CA10: variants seen among roughly 807,000 people sequenced by gnomAD.
The protein encoded by CA10 is carbonic anhydrase-related protein 10.
A neutral mutation model predicts 44.2 loss-of-function variants in CA10; 14 were observed. The ratio of observed to expected loss-of-function variants is 0.32; its 90% CI spans 0.21 to 0.50. The LOEUF (loss-of-function observed/expected upper bound fraction) is 0.50. Among genes scored for constraint, CA10 ranks in the 20% least tolerant of loss-of-function variants. The pLI, the probability that CA10 is intolerant of heterozygous loss-of-function variation, is 0.99. For missense variants in CA10, 350 were observed against 409.7 expected, an observed-to-expected ratio of 0.85 and a Z score of 1.26; for synonymous variants, 159 against 141.6, an observed-to-expected ratio of 1.12 and a Z score of -0.87.
At chr17:51,636,775 T>TTGTGTGTGTGTGTGTGTGTG (rs57428535) in intron 6 of CA10, among the ~76,000 whole-genome samples, 13 of 146,512 alleles carry the variant, frequency 8.9e-5, no homozygotes, top group Non-Finnish European at 1.5e-4. Context: ...ACTGATTATT[T>TTGTGTGTGTGTGTGTGTGTG]TGTGTGTGTG....
intron 4 of CA10, among the ~76,000 whole-genome samples, chr17:51,712,015 A>G (rs1915957975): frequency 6.6e-6 from 1 of 152,210 alleles, no homozygotes; most frequent in African/African-American, 2.4e-5. Context: ...CTTCTGCCTC[A>G]TAGAGATTGT....
intron 5 of CA10, among the ~76,000 whole-genome samples, chr17:51,649,778 G>C (rs866310969): frequency 4.0e-5 from 6 of 151,810 alleles, no homozygotes; most frequent in Middle Eastern, 6.8e-3. Flanking sequence ...ATCATGTCAG[G>C]CTTTTAAGCA....
At chr17:51,825,447 C>T (rs539119462) in intron 3 of CA10, among the ~76,000 whole-genome samples, 12 of 152,082 alleles carry the variant, frequency 7.9e-5, no homozygotes, top group Non-Finnish European at 1.6e-4. Context: ...GGGGTGTGAA[C>T]CTTGTCTGTT....
intron 2 of CA10, among the ~76,000 whole-genome samples, chr17:51,937,035 G>A (rs1343285317): frequency 6.6e-6 from 1 of 152,092 alleles, no homozygotes; most frequent in Non-Finnish European, 1.5e-5. Context: ...TTTTCATGAA[G>A]ACACTCAGCT....
At chr17:51,727,514 T>C (rs1916564937) in intron 4 of CA10, among the ~76,000 whole-genome samples, 1 of 152,072 alleles carries the variant, frequency 6.6e-6, no homozygotes, top group Non-Finnish European at 1.5e-5. Flanking sequence ...CTTGATCACA[T>C]ACAGTGGCTC....
chr17:51,904,474 A>G lies in CA10; in HGVS notation c.279+26516T>C, dbSNP rs189951855. Among the ~76,000 whole-genome samples, 21 of 152,202 alleles carry G rather than the reference A, an allele frequency of 1.4e-4. No individual in the cohort carries two copies. The East Asian group carries it at 3.9e-3, about 28-fold the overall frequency. ...CAATTAGCCACTGCAGCGCAAGAAG[A>G]GTCCCCCAGCTTCATCCATCCTTTA... On this transcript the variant is annotated intron_variant, in intron 3 of 8. Coordinates refer to ENST00000451037, the MANE Select transcript of CA10 (RefSeq NM_020178.5).
At chr17:52,041,057 A>C (rs1040595697) in intron 2 of CA10, among the ~76,000 whole-genome samples, 2 of 152,068 alleles carry the variant, frequency 1.3e-5, no homozygotes, top group African/African-American at 4.8e-5. Flanking sequence ...GAGGAGCTAA[A>C]TTAGCCTTAG....
At chr17:52,089,436 T>C (rs933889861) in intron 1 of CA10, among the ~76,000 whole-genome samples, 16 of 152,204 alleles carry the variant, frequency 1.1e-4, no homozygotes, top group Middle Eastern at 3.2e-3. Flanking sequence ...ATAGCTTTTA[T>C]AGGAAGGCAC....
intron 4 of CA10, among the ~76,000 whole-genome samples, chr17:51,722,578 C>A (rs1052467756): frequency 3.3e-5 from 5 of 152,202 alleles, no homozygotes; most frequent in Admixed American, 2.6e-4. Flanking sequence ...GGCCTCAGGG[C>A]CCCCTGTCCC....
chr17:51,915,067 C>A (rs1298801987), intron 3 of CA10, among the ~76,000 whole-genome samples: 1 of 152,032 alleles, frequency 6.6e-6, no homozygotes, highest in Non-Finnish European at 1.5e-5. Flanking sequence ...CATTTATTGA[C>A]TGCTTTCTGT....
At chr17:51,699,166 CAAAAA>C (rs370427989) in intron 4 of CA10, among the ~76,000 whole-genome samples, 86 of 151,818 alleles carry the variant, frequency 5.7e-4, no homozygotes, top group Non-Finnish European at 1.0e-3. Context: ...ACTAAAAATA[CAAAAA>C]AATTACCCAG....
At chr17:51,907,548 G>A (rs1981610361) in intron 3 of CA10, among the ~76,000 whole-genome samples, 1 of 151,938 alleles carries the variant, frequency 6.6e-6, no homozygotes, top group African/African-American at 2.4e-5. Context: ...GAGGCTGAAG[G>A]ACTTATTCCC....
intron 3 of CA10, among the ~76,000 whole-genome samples, chr17:51,838,933 TTTTTA>T (rs1189039603): frequency 2.0e-5 from 3 of 152,232 alleles, no homozygotes; most frequent in Non-Finnish European, 2.9e-5. Flanking sequence ...TTGTTTTCAT[TTTTTA>T]TTTTCTTTCC....
chr17:52,084,732 C>T (rs1988074223), intron 1 of CA10, among the ~76,000 whole-genome samples: 1 of 152,158 alleles, frequency 6.6e-6, no homozygotes, highest in Non-Finnish European at 1.5e-5. Flanking sequence ...AATAGTGCTA[C>T]TAAATCTCCC....
intron 3 of CA10, among the ~76,000 whole-genome samples, chr17:51,769,194 C>T (rs1567833539): frequency 6.6e-6 from 1 of 152,144 alleles, no homozygotes. Flanking sequence ...TGAGATTACA[C>T]CCCAGGATCC....
chr17:52,121,814 G>C (rs1461089475), intron 1 of CA10, among the ~76,000 whole-genome samples: 2 of 152,194 alleles, frequency 1.3e-5, no homozygotes, highest in East Asian at 1.9e-4. Context: ...AGACAATCCT[G>C]CCCCTGCTGC....
At chr17:52,058,204 A>T (rs2143079567) in intron 2 of CA10, among the ~76,000 whole-genome samples, 1 of 152,278 alleles carries the variant, frequency 6.6e-6, no homozygotes, top group South Asian at 2.1e-4. Context: ...ACTCAGAAGG[A>T]TCAGGAACTC....
intron 4 of CA10, among the ~76,000 whole-genome samples, chr17:51,746,006 TG>T (rs1460647038): frequency 2.6e-5 from 4 of 152,240 alleles, no homozygotes; most frequent in African/African-American, 9.6e-5. Flanking sequence ...TTACATTTCT[TG>T]TTGTACTCTA....
chr17:51,895,242 G>C (rs910813510), intron 3 of CA10, among the ~76,000 whole-genome samples: 3 of 151,870 alleles, frequency 2.0e-5, no homozygotes, highest in African/African-American at 7.3e-5. Context: ...CAGAAACATG[G>C]GATTCTGAAG....
Sources: gnomAD v4.1 joint callset for allele counts (sites outside exome capture counted in the v4.1 genomes callset) on GRCh38, gnomAD v4.1.1 for gene constraint, MANE v1.5 for transcripts, NCBI Gene and HGNC (gene_info 2026-07-23, HGNC 2026-07-21) for gene names.